TASP1: variants seen among roughly 807,000 people sequenced by gnomAD.
TASP1 encodes the protein taspase 1, also known as threonine aspartase 1.
TASP1 carries 16 observed loss-of-function variants against 56.6 expected under a neutral mutation model. The ratio of observed to expected loss-of-function variants is 0.28; its 90% CI spans 0.19 to 0.43. The LOEUF (loss-of-function observed/expected upper bound fraction) is 0.43, where lower values mean the gene tolerates loss of function less well. Among genes scored for constraint, TASP1 ranks in the 20% least tolerant of loss-of-function variants. TASP1 has a pLI of 1.00. For missense variants in TASP1, 393 were observed against 511.6 expected, an observed-to-expected ratio of 0.77 and a Z score of 2.24; for synonymous variants, 179 against 184.2, an observed-to-expected ratio of 0.97 and a Z score of 0.23.
chr20:13,160,244 A>G, the TASP1 span: 1 of 1,312,874 alleles, frequency 7.6e-7, no homozygotes, highest in Non-Finnish European at 1.0e-6. Flanking sequence ...TTATTTAGGA[A>G]AACAACACTG....
chr20:13,126,655 C>T, the TASP1 span: 15 of 1,613,904 alleles, frequency 9.3e-6, no homozygotes, highest in East Asian at 2.2e-5. Context: ...ATGAGCCCAC[C>T]GATAGCAGAG....
intron 11 of TASP1, among the ~76,000 whole-genome samples, chr20:13,448,631 T>C (rs1305969804): frequency 6.6e-6 from 1 of 152,080 alleles, no homozygotes. Flanking sequence ...TAAAATAAAA[T>C]ACGCAAGTAG....
intron 4 of TASP1, among the ~76,000 whole-genome samples, chr20:13,611,224 CA>C (rs2048338204): frequency 6.6e-6 from 1 of 152,154 alleles, no homozygotes; most frequent in South Asian, 2.1e-4. Context: ...AGGAAGTTAT[CA>C]GGACAAAGTG....
chr20:13,517,609 G>GA (rs1408693740), intron 10 of TASP1, among the ~76,000 whole-genome samples: 2 of 151,662 alleles, frequency 1.3e-5, no homozygotes, highest in Non-Finnish European at 1.5e-5. Context: ...TCACAATCAG[G>GA]AAAAAAATCT....
intron 1 of TASP1, among the ~76,000 whole-genome samples, chr20:13,637,138 T>C (rs2049338941): frequency 6.6e-6 from 1 of 152,150 alleles, no homozygotes; most frequent in Non-Finnish European, 1.5e-5. Flanking sequence ...ATAAGCACAT[T>C]AAAAGATGCT....
At chr20:13,604,953 T>A (rs2147384899) in intron 4 of TASP1, among the ~76,000 whole-genome samples, 1 of 149,710 alleles carries the variant, frequency 6.7e-6, no homozygotes, top group East Asian at 2.0e-4. Flanking sequence ...TATGTTCACA[T>A]AAATTCACAT....
At chr20:13,146,482 T>C in the TASP1 span, among the ~76,000 whole-genome samples, 64 of 152,266 alleles carry the variant, frequency 4.2e-4, no homozygotes, top group African/African-American at 1.5e-3. Context: ...GCCCTCAGCT[T>C]CCCATATTAG....
At chr20:13,322,713 C>T in the TASP1 span, among the ~76,000 whole-genome samples, 1 of 152,184 alleles carries the variant, frequency 6.6e-6, no homozygotes, top group East Asian at 1.9e-4. Context: ...GCTTAGATTA[C>T]TTCCTAAAGG....
the TASP1 span, among the ~76,000 whole-genome samples, chr20:13,359,687 T>C: frequency 7.5e-6 from 1 of 133,770 alleles, no homozygotes; most frequent in Non-Finnish European, 1.5e-5. Context: ...TAAGCACTCC[T>C]TTTTAGTTAT....
At chr20:13,264,079 T>C in the TASP1 span, among the ~76,000 whole-genome samples, 1 of 152,290 alleles carries the variant, frequency 6.6e-6, no homozygotes, top group South Asian at 2.1e-4. Flanking sequence ...ATGATAACTT[T>C]AGCCATCATT....
chr20:13,352,768 T>C, the TASP1 span, among the ~76,000 whole-genome samples: 1 of 152,182 alleles, frequency 6.6e-6, no homozygotes, highest in Non-Finnish European at 1.5e-5. Context: ...ACCAGTGTTT[T>C]AAGATAATAC....
chr20:13,230,126 G>A, the TASP1 span, among the ~76,000 whole-genome samples: 1 of 152,026 alleles, frequency 6.6e-6, no homozygotes, highest in Non-Finnish European at 1.5e-5. Context: ...TATTCATTTG[G>A]TCAAGAAGAA....
chr20:13,365,958 CAG>C, the TASP1 span, among the ~76,000 whole-genome samples: 2 of 152,016 alleles, frequency 1.3e-5, no homozygotes, highest in African/African-American at 2.4e-5. Flanking sequence ...CTGAGGAAGA[CAG>C]AGATTCAGGA....
intron 4 of TASP1, among the ~76,000 whole-genome samples, chr20:13,606,210 T>C (rs190210342): frequency 2.6e-5 from 4 of 152,190 alleles, no homozygotes; most frequent in African/African-American, 9.6e-5. Flanking sequence ...ATTAGTATTA[T>C]AAAGAAGAAT....
chr20:13,340,631 A>G, the TASP1 span, among the ~76,000 whole-genome samples: 1 of 152,184 alleles, frequency 6.6e-6, no homozygotes, highest in Non-Finnish European at 1.5e-5. Flanking sequence ...AATTAGGTTA[A>G]CCATCACCTT....
intron 3 of TASP1, among the ~76,000 whole-genome samples, chr20:13,624,703 T>C (rs1393349430): frequency 2.0e-5 from 3 of 151,932 alleles, no homozygotes; most frequent in South Asian, 4.2e-4. Flanking sequence ...CAAAAACCAA[T>C]GGGAAAAAAG....
the TASP1 span, among the ~76,000 whole-genome samples, chr20:13,178,615 A>G: frequency 6.6e-6 from 1 of 152,080 alleles, no homozygotes; most frequent in East Asian, 1.9e-4. Flanking sequence ...AGGGAACTCA[A>G]GGACATTATG....
In TASP1 at chr20:13,576,673, A is replaced by G. The variant is rs138460176; in HGVS notation, c.488+4224T>C. ...AATAAATGCATATATTAGAATCACAATCAAAATTCTGGCAGGCTATTTACA... is the reference window on the plus strand; with the variant it reads ...AATAAATGCATATATTAGAATCACAGTCAAAATTCTGGCAGGCTATTTACA... On this transcript the variant is annotated intron_variant, in intron 6 of 13. Coordinates refer to ENST00000337743, the MANE Select transcript of TASP1 (RefSeq NM_017714.3). Among the ~76,000 whole-genome samples the G allele has an allele frequency of 1.8e-3, 276 of 152,344 alleles. 1 individual carries two copies. Among genetic ancestry groups the G allele is most frequent in the African/African-American group, 6.2e-3 (259 of 41,582 alleles).
the TASP1 span, among the ~76,000 whole-genome samples, chr20:13,109,943 T>C: frequency 6.6e-6 from 1 of 152,346 alleles, no homozygotes; most frequent in African/African-American, 2.4e-5. Context: ...AGTTAAGTTC[T>C]ACTGAAAAAT....
Sources: allele counts gnomAD v4.1 joint callset (sites outside exome capture counted in the v4.1 genomes callset), GRCh38; gene constraint gnomAD v4.1.1; transcripts MANE v1.5; gene names NCBI Gene and HGNC (gene_info 2026-07-23, HGNC 2026-07-21).